Variants in ZDHHC20 observed in about 807,000 individuals in gnomAD.
ZDHHC20 encodes the protein palmitoyltransferase ZDHHC20.
A neutral mutation model predicts 57.8 loss-of-function variants in ZDHHC20; 43 were observed. The observed-to-expected ratio is 0.74, with a 90% CI of 0.58 to 0.96. ZDHHC20 has a LOEUF of 0.96. Among genes scored for constraint, ZDHHC20 ranks in the 40% least tolerant of loss-of-function variants. The probability of loss-of-function intolerance (pLI) is 0.00; values close to 1 mark genes in which losing one functional copy is unlikely to be tolerated. For missense variants in ZDHHC20, 391 were observed against 441.1 expected, an observed-to-expected ratio of 0.89 and a Z score of 1.02; for synonymous variants, 157 against 153.0, an observed-to-expected ratio of 1.03 and a Z score of -0.19.
intron 10 of ZDHHC20, chr13:21,381,855 A>C: frequency 1.7e-6 from 1 of 573,830 alleles, no homozygotes; most frequent in South Asian, 1.4e-5. Flanking sequence ...TAGGTAGTAC[A>C]AGGACAGGTG....
rs376481840 is a variant in ZDHHC20 at position 21,447,032 on chromosome 13, T to A, written c.118+12022A>T. ...ATAGGAGTAACAAACTGGTATTAAT[T>A]TGAAAAAGACCATTCTGACTGCTTC... On this transcript the variant is annotated intron_variant, in intron 1 of 12. Transcript: ENST00000400590. Among the ~76,000 whole-genome samples the A allele has an allele frequency of 2.3e-4, 35 of 152,046 alleles. No individual in the cohort carries two copies. The East Asian group carries it at 6.8e-3, about 29-fold the overall frequency.
At position 21,381,562 on chromosome 13, in the gene ZDHHC20, G is replaced by A; in HGVS notation, c.945-13C>T. On this transcript the variant is annotated splice_polypyrimidine_tract_variant and intron_variant, in intron 10 of 12. Transcript: ENST00000400590. ...ATTTGAGCCACTACTGAAAAGAAGA[G>A]CAAACAACTTAGTAAACAGCTTAAT... 6.3e-6 allele frequency: 10 copies of A among 1,576,784 alleles called. No individual in the cohort carries two copies. Among genetic ancestry groups the A allele is most frequent in the Non-Finnish European group, 8.7e-6 (10 of 1,147,420 alleles).
In ZDHHC20 at chr13:21,387,590, C is replaced by A. The variant is rs747710256; in HGVS notation, c.772G>T (p.Gly258Cys). Residue 258 changes from glycine to cysteine, a missense_variant, in exon 9 of 13, where the codon GGT becomes TGT. Transcript: ENST00000400590. ...TTTTTACTGCATCCAAGAGAGAAAC[C>A]ATTTCCATCAGGTCCGTATGAAAAC... ...PTFSYGPDGN[G>C]FSLGCSKNWR... 1 of 1,513,728 alleles carries A rather than the reference C, an allele frequency of 6.6e-7. No individual in the cohort carries two copies. Among genetic ancestry groups the A allele is most frequent in the Non-Finnish European group, 8.9e-7 (1 of 1,127,176 alleles). 93.8% of individuals were successfully genotyped at this position (1,513,728 alleles called of 1,614,324 possible). A position where few individuals can be genotyped will look rare whatever the true frequency, so the allele number is the denominator to read the frequency against.
chr13:21,415,867 A>G (rs940173841), intron 3 of ZDHHC20, among the ~76,000 whole-genome samples: 2 of 152,130 alleles, frequency 1.3e-5, no homozygotes, highest in Non-Finnish European at 2.9e-5. Flanking sequence ...CCAGGCCTCA[A>G]GCCTCTCTAC....
At chr13:21,399,618 A>G (rs1471386566) in intron 7 of ZDHHC20, among the ~76,000 whole-genome samples, 1 of 152,142 alleles carries the variant, frequency 6.6e-6, no homozygotes, top group African/African-American at 2.4e-5. Flanking sequence ...TACAAAATCC[A>G]AAGGATAACT....
chr13:21,444,308 G>A (rs1342572018), intron 1 of ZDHHC20, among the ~76,000 whole-genome samples: 1 of 152,196 alleles, frequency 6.6e-6, no homozygotes, highest in South Asian at 2.1e-4. Flanking sequence ...ATAGAAACTA[G>A]TTGGAGAGAT....
chr13:21,453,898 G>A (rs552936366), intron 1 of ZDHHC20, among the ~76,000 whole-genome samples: 1 of 152,262 alleles, frequency 6.6e-6, no homozygotes, highest in Non-Finnish European at 1.5e-5. Context: ...CCAGGCTGGA[G>A]TGCAATGGCA....
intron 5 of ZDHHC20, 53 bp downstream of exon 5, chr13:21,402,744 C>A: frequency 6.9e-7 from 1 of 1,439,410 alleles, no homozygotes; most frequent in East Asian, 2.4e-5. Context: ...TTGCACTTTC[C>A]CATCACTGAT....
At chr13:21,392,823 G>A (rs530847604) in intron 7 of ZDHHC20, among the ~76,000 whole-genome samples, 3 of 152,258 alleles carry the variant, frequency 2.0e-5, no homozygotes, top group African/African-American at 4.8e-5. Context: ...TTCTTCCAGA[G>A]TAACCAACAT....
rs530259250 is a variant in ZDHHC20 at position 21,382,609 on chromosome 13, T to C, written c.944+311A>G. On this transcript the variant is annotated intron_variant, in intron 10 of 12. Transcript: ENST00000400590. ...ACTGACATAAACCAATCTAATCAAA[T>C]CTTGAAAGGTCTTAGTTGCTCCCCA... Among the ~76,000 whole-genome samples, 19 of 152,320 alleles carry C rather than the reference T, an allele frequency of 1.2e-4. No individual in the cohort carries two copies. In the South Asian group the frequency reaches 2.9e-3, roughly 23 times the overall value.
chr13:21,379,675 T>G (rs1028597901), intron 11 of ZDHHC20, among the ~76,000 whole-genome samples: 1 of 152,138 alleles, frequency 6.6e-6, no homozygotes, highest in Non-Finnish European at 1.5e-5. Context: ...GCTAGTTAAG[T>G]AGCCAGACAA....
chr13:21,426,576 C>T (rs981768022), intron 1 of ZDHHC20, among the ~76,000 whole-genome samples: 4 of 151,674 alleles, frequency 2.6e-5, no homozygotes, highest in Non-Finnish European at 4.4e-5. Flanking sequence ...ATCTGTCTAC[C>T]TCTCTGGTTT....
At chr13:21,431,167 A>G (rs1024331108) in intron 1 of ZDHHC20, among the ~76,000 whole-genome samples, 1 of 152,226 alleles carries the variant, frequency 6.6e-6, no homozygotes, top group East Asian at 1.9e-4. Flanking sequence ...AAGACTAGGA[A>G]GAAAAAGAGG....
intron 7 of ZDHHC20, among the ~76,000 whole-genome samples, chr13:21,395,225 C>A (rs1876565129): frequency 6.6e-6 from 1 of 151,762 alleles, no homozygotes; most frequent in African/African-American, 2.4e-5. Context: ...AGCTACCAGG[C>A]CCAGCTAATT....
intron 7 of ZDHHC20, among the ~76,000 whole-genome samples, chr13:21,395,104 T>C (rs1876543847): frequency 6.6e-6 from 1 of 151,218 alleles, no homozygotes; most frequent in South Asian, 2.1e-4. Flanking sequence ...TCTCGATCTG[T>C]AGCCCAGGCT....
At position 21,386,285 on chromosome 13, in the gene ZDHHC20, G is replaced by C. The variant is rs79753770; in HGVS notation, c.854+1223C>G. Among the ~76,000 whole-genome samples, 127 of 152,262 alleles carry C rather than the reference G, an allele frequency of 8.3e-4. 2 individuals carry two copies. In the East Asian group the frequency reaches 0.023, roughly 27 times the overall value. On this transcript the variant is annotated intron_variant, in intron 9 of 12. Coordinates refer to ENST00000400590, the MANE Select transcript of ZDHHC20 (RefSeq NM_001330059.2). Reference sequence around the variant, plus strand: ...ATTGGAGTCCTCACAGTAATAGGGGGAAGGAGATGACAAAATAATGGTTAA... The same window carrying C: ...ATTGGAGTCCTCACAGTAATAGGGGCAAGGAGATGACAAAATAATGGTTAA...
chr13:21,386,829 A>G lies in ZDHHC20; in HGVS notation c.854+679T>C, dbSNP rs536463736. Among the ~76,000 whole-genome samples, 5 of 152,200 alleles carry G rather than the reference A, an allele frequency of 3.3e-5. No homozygotes were observed. The South Asian group carries it at 6.2e-4, about 19-fold the overall frequency. ...CTCCCAAAGTGCTGGGATTACAGGC[A>G]TGACCCACTGTGTCTGGCTAATATC... is the stretch of plus-strand genomic sequence containing the variant. On this transcript the variant is annotated intron_variant, in intron 9 of 12. Transcript: ENST00000400590.
intron 1 of ZDHHC20, among the ~76,000 whole-genome samples, chr13:21,455,083 G>A (rs958624557): frequency 6.6e-6 from 1 of 152,102 alleles, no homozygotes; most frequent in African/African-American, 2.4e-5. Flanking sequence ...ACCACACTCG[G>A]CTAATTTTTT....
chr13:21,403,719 G>A (rs961285259), intron 4 of ZDHHC20, among the ~76,000 whole-genome samples: 10 of 152,046 alleles, frequency 6.6e-5, no homozygotes, highest in African/African-American at 1.7e-4. Flanking sequence ...ACGGAGTGTC[G>A]CTCCGTCGCC....
Sources: allele counts gnomAD v4.1 joint callset (sites outside exome capture counted in the v4.1 genomes callset), GRCh38; gene constraint gnomAD v4.1.1; transcripts MANE v1.5; gene names NCBI Gene and HGNC (gene_info 2026-07-23, HGNC 2026-07-21).